MARK3: variants seen among roughly 807,000 people sequenced by gnomAD.
MARK3 encodes the protein MAP/microtubule affinity-regulating kinase 3.
MARK3 carries 46 observed loss-of-function variants against 90.1 expected under a neutral mutation model. The ratio of observed to expected loss-of-function variants is 0.51; its 90% CI spans 0.40 to 0.65. MARK3 has a LOEUF of 0.65. Ranked by LOEUF, MARK3 falls within the 30% of genes least tolerant of loss-of-function variation. The pLI is 0.00. For synonymous variants in MARK3, 321 were observed against 332.6 expected (o/e 0.97, Z 0.38); for missense variants, 818 against 947.2 (o/e 0.86, Z 1.79).
chr14:103,435,440 G>A (rs1234525618), intron 3 of MARK3, among the ~76,000 whole-genome samples: 4 of 151,824 alleles, frequency 2.6e-5, no homozygotes, highest in African/African-American at 4.8e-5. Flanking sequence ...ACGGAGTCTC[G>A]CTCTGTCACC....
intron 3 of MARK3, among the ~76,000 whole-genome samples, chr14:103,439,593 G>A (rs1425174651): frequency 6.6e-6 from 1 of 151,990 alleles, no homozygotes; most frequent in African/African-American, 2.4e-5. Context: ...ATTTTTAGTA[G>A]AGACCAGGTT....
chr14:103,402,226 G>A (rs994295139), intron 1 of MARK3, among the ~76,000 whole-genome samples: 1 of 152,186 alleles, frequency 6.6e-6, no homozygotes, highest in Non-Finnish European at 1.5e-5. Context: ...TGGTGAGTAA[G>A]CAAAGATAGG....
At chr14:103,416,175 A>G (rs2091936050) in intron 2 of MARK3, among the ~76,000 whole-genome samples, 2 of 152,200 alleles carry the variant, frequency 1.3e-5, no homozygotes, top group Admixed American at 1.3e-4. Context: ...CTTATCTTTC[A>G]AATATTTTGC....
At chr14:103,452,347 A>G (rs1036747915) in intron 5 of MARK3, among the ~76,000 whole-genome samples, 18 of 151,894 alleles carry the variant, frequency 1.2e-4, no homozygotes, top group African/African-American at 4.1e-4. Flanking sequence ...ACGAAACTCT[A>G]TACCCATTAA....
At chr14:103,391,676 TG>T (rs1441990607) in intron 1 of MARK3, among the ~76,000 whole-genome samples, 1 of 149,238 alleles carries the variant, frequency 6.7e-6, no homozygotes, top group African/African-American at 2.5e-5. Flanking sequence ...CCCGAGTAGC[TG>T]GGATTACAGG....
intron 13 of MARK3, among the ~76,000 whole-genome samples, chr14:103,479,338 T>G (rs964489595): frequency 6.6e-6 from 1 of 152,156 alleles, no homozygotes; most frequent in African/African-American, 2.4e-5. Context: ...TGGCTGTGTT[T>G]TCATTTTTCC....
At chr14:103,419,399 A>AAT (rs1478951321) in intron 2 of MARK3, among the ~76,000 whole-genome samples, 3 of 152,232 alleles carry the variant, frequency 2.0e-5, no homozygotes, top group Non-Finnish European at 2.9e-5. Flanking sequence ...GGAAACTTAA[A>AAT]ATATATATTA....
intron 3 of MARK3, among the ~76,000 whole-genome samples, chr14:103,440,275 C>T (rs539788449): frequency 2.0e-5 from 3 of 152,296 alleles, no homozygotes; most frequent in African/African-American, 4.8e-5. Flanking sequence ...GTGAATTGTC[C>T]TCTGTGTGTC....
chr14:103,417,371 TAGA>T (rs1595566337), intron 2 of MARK3: 3 of 152,174 alleles, frequency 2.0e-5, no homozygotes, highest in Admixed American at 6.6e-5. Flanking sequence ...AGCAGGAAGG[TAGA>T]AGAAGTTAGT....
At chr14:103,468,315 T>TTCTTC (rs34295660) in intron 12 of MARK3, 129 bp downstream of exon 12, 19 of 54,344 alleles carry the variant, frequency 3.5e-4, no homozygotes, top group Non-Finnish European at 4.5e-4. Flanking sequence ...TTCTTTCTTC[T>TTCTTC]TTTTTTTTTT....
At chr14:103,478,876 A>C (rs544711431) in intron 13 of MARK3, among the ~76,000 whole-genome samples, 1 of 152,280 alleles carries the variant, frequency 6.6e-6, no homozygotes, top group East Asian at 1.9e-4. Context: ...TTTGGGGGTA[A>C]TATTCCATTC....
chr14:103,455,725 CAAA>C (rs57129835), intron 5 of MARK3, among the ~76,000 whole-genome samples: 10 of 84,026 alleles, frequency 1.2e-4, no homozygotes, highest in Non-Finnish European at 1.1e-4. Context: ...AACTCTGTCT[CAAA>C]AAAAAAAAAA....
intron 6 of MARK3, chr14:103,458,896 G>A: frequency 2.2e-6 from 1 of 457,950 alleles, no homozygotes; most frequent in Non-Finnish European, 3.9e-6. Context: ...TAAAACCAAA[G>A]TAAAAATCAG....
chr14:103,448,839 A>G (rs2141297505), intron 3 of MARK3, 80 bp from the exon 4 acceptor site: 7 of 1,368,146 alleles, frequency 5.1e-6, no homozygotes, highest in East Asian at 2.5e-5. Flanking sequence ...AAAAATTTAA[A>G]TTTATATTAC....
chr14:103,465,976 TGA>T lies in MARK3; in HGVS notation c.792_793del (p.Arg264SerfsTer17), dbSNP rs781106792. 7 of 1,612,362 alleles carry T rather than the reference TGA, an allele frequency of 4.3e-6. No homozygotes were observed. The highest frequency in any genetic ancestry group is 1.7e-5 in the Admixed American group (1 of 59,586). On this transcript the variant is annotated frameshift_variant, in exon 9 of 18. Transcript: ENST00000429436. LOFTEE classifies it high-confidence loss of function. ...TTCCTCTGTACCTCTCCAAAGGAAC[TGA>T]GAGAGAGAGTATTAAGAGGGAAATA...
intron 15 of MARK3, among the ~76,000 whole-genome samples, chr14:103,492,643 G>A (rs1285799174): frequency 6.6e-6 from 1 of 152,118 alleles, no homozygotes; most frequent in Non-Finnish European, 1.5e-5. Context: ...TTTATTAAAT[G>A]CTGCATGATT....
At chr14:103,432,668 C>G (rs1369855703) in intron 3 of MARK3, among the ~76,000 whole-genome samples, 1 of 151,868 alleles carries the variant, frequency 6.6e-6, no homozygotes, top group Non-Finnish European at 1.5e-5. Flanking sequence ...CTAGGCAGCA[C>G]AGAGAGACCC....
intron 15 of MARK3, among the ~76,000 whole-genome samples, chr14:103,497,126 T>C (rs993526824): frequency 3.3e-5 from 5 of 152,210 alleles, no homozygotes; most frequent in African/African-American, 1.2e-4. Flanking sequence ...AACTAAAATA[T>C]TTTGGATAAT....
At chr14:103,471,582 C>G (rs974310918) in intron 12 of MARK3, among the ~76,000 whole-genome samples, 2 of 152,142 alleles carry the variant, frequency 1.3e-5, no homozygotes, top group Non-Finnish European at 2.9e-5. Flanking sequence ...TTCACCTCAT[C>G]CTCCTGCCTC....
Sources: allele counts gnomAD v4.1 joint callset (sites outside exome capture counted in the v4.1 genomes callset), GRCh38; gene constraint gnomAD v4.1.1; transcripts MANE v1.5; gene names NCBI Gene and HGNC (gene_info 2026-07-23, HGNC 2026-07-21).